ADGRB3: variants seen among roughly 807,000 people sequenced by gnomAD.
ADGRB3 encodes the protein adhesion G protein-coupled receptor B3.
ADGRB3 carries 37 observed loss-of-function variants against 193.4 expected under a neutral mutation model. That is an observed-to-expected ratio of 0.19 (90% CI 0.15 to 0.25). ADGRB3 has a LOEUF of 0.25. Among genes scored for constraint, ADGRB3 ranks in the 10% least tolerant of loss-of-function variants. The pLI is 1.00. For missense variants in ADGRB3, 1,637 were observed against 1,852.9 expected, an observed-to-expected ratio of 0.88 and a Z score of 2.14; for synonymous variants, 690 against 644.2, an observed-to-expected ratio of 1.07 and a Z score of -1.08.
chr6:69,275,721 A>G (rs1204222590), intron 20 of ADGRB3, among the ~76,000 whole-genome samples: 2 of 152,096 alleles, frequency 1.3e-5, no homozygotes, highest in African/African-American at 4.8e-5. Context: ...TATATCAAAT[A>G]ATGCCCAGTA....
intron 15 of ADGRB3, among the ~76,000 whole-genome samples, chr6:69,060,098 G>T (rs534516559): frequency 4.6e-5 from 7 of 152,124 alleles, no homozygotes; most frequent in African/African-American, 1.7e-4. Context: ...CACATGAATG[G>T]TATTAGCACA....
chr6:69,301,486 T>C (rs146842736), intron 20 of ADGRB3, among the ~76,000 whole-genome samples: 18 of 152,028 alleles, frequency 1.2e-4, no homozygotes, highest in Non-Finnish European at 2.4e-4. Flanking sequence ...CTCAAGTAAA[T>C]TGCATATTGC....
At chr6:69,229,902 G>A (rs1766096321) in intron 17 of ADGRB3, among the ~76,000 whole-genome samples, 1 of 152,160 alleles carries the variant, frequency 6.6e-6, no homozygotes, top group Admixed American at 6.5e-5. Context: ...AATAGACTTT[G>A]TGTCTTATAT....
At chr6:68,825,496 C>A (rs1263225784) in intron 3 of ADGRB3, among the ~76,000 whole-genome samples, 9 of 152,140 alleles carry the variant, frequency 5.9e-5, no homozygotes, top group Non-Finnish European at 1.2e-4. Context: ...AAATAAATGC[C>A]TCTTCGATAC....
At chr6:68,970,913 A>G (rs1768542204) in intron 8 of ADGRB3, among the ~76,000 whole-genome samples, 1 of 152,202 alleles carries the variant, frequency 6.6e-6, no homozygotes, top group Non-Finnish European at 1.5e-5. Flanking sequence ...AGTTACGGGA[A>G]CAAGATTGTA....
At chr6:68,800,828 A>G (rs62416553) in intron 3 of ADGRB3, among the ~76,000 whole-genome samples, 4,581 of 152,272 alleles carry the variant, frequency 0.03, 107 homozygotes, top group Non-Finnish European at 0.045. Flanking sequence ...TTATGACTTA[A>G]GACAGGTACA....
intron 26 of ADGRB3, among the ~76,000 whole-genome samples, chr6:69,348,873 G>T (rs1394215204): frequency 6.6e-6 from 1 of 152,156 alleles, no homozygotes; most frequent in African/African-American, 2.4e-5. Context: ...TGGAAATTAT[G>T]GTACAGCCAC....
chr6:69,097,253 T>C (rs1772907527), intron 17 of ADGRB3, among the ~76,000 whole-genome samples: 1 of 152,180 alleles, frequency 6.6e-6, no homozygotes, highest in African/African-American at 2.4e-5. Flanking sequence ...ATAATACAAA[T>C]GTATCTCTGG....
At position 69,013,924 on chromosome 6, in the gene ADGRB3, A is replaced by G. The variant is rs568864274; in HGVS notation, c.1930-114A>G. 1.5e-4 allele frequency: 84 copies of G among 563,734 alleles called. No individual in the cohort carries two copies. In the East Asian group the frequency reaches 2.6e-3, roughly 17 times the overall value. 34.9% of individuals were successfully genotyped at this position (563,734 alleles called of 1,614,324 possible). On this transcript the variant is annotated intron_variant, in intron 11 of 31. Transcript: ENST00000370598. The stretch of plus-strand genomic sequence containing the variant: ...TCTAGAATACTATGTTAGGGTCATA[A>G]AGCAATATTGCAAAGTGCTTATACC...
chr6:68,812,815 C>T (rs1460241702), intron 3 of ADGRB3, among the ~76,000 whole-genome samples: 1 of 151,566 alleles, frequency 6.6e-6, no homozygotes. Context: ...CTAATGCTAT[C>T]CCTCCCCTAG....
rs977610123 is a variant in ADGRB3, at chr6:68,736,825, C to T, written c.757+97393C>T. Among the ~76,000 whole-genome samples the T allele has an allele frequency of 4.6e-5, 7 of 151,986 alleles. No individual in the cohort carries two copies. In the East Asian group the frequency reaches 1.4e-3, roughly 30 times the overall value. ...TAATACAGAAAAGTTTATCCCAGTA[C>T]CTAGAAGCTGGGTCACTAATAATGA... On this transcript the variant is annotated intron_variant, in intron 3 of 31. Coordinates refer to ENST00000370598, the MANE Select transcript of ADGRB3 (RefSeq NM_001704.3).
At chr6:68,982,619 C>A (rs959976241) in intron 10 of ADGRB3, among the ~76,000 whole-genome samples, 4 of 152,278 alleles carry the variant, frequency 2.6e-5, no homozygotes, top group Admixed American at 1.3e-4. Context: ...ACACTGGACT[C>A]TTCCCTAAGT....
rs59919588 is a variant in ADGRB3 at position 68,765,537 on chromosome 6, GACACAC to G, written c.757+126140_757+126145del. 6.5e-4 allele frequency among the ~76,000 whole-genome samples: 94 copies of G among 143,552 alleles called. 1 individual carries two copies. The highest frequency in any genetic ancestry group is 2.9e-3 in the East Asian group (14 of 4,802). The allele number at this position is 143,552 out of a possible 152,430, so 94.2% of individuals were successfully genotyped here. ...TTCTTGTCCTGTATATATTCTTATA[GACACAC>G]ACACACACACACACACACACACACA... On this transcript the variant is annotated intron_variant, in intron 3 of 31. Transcript: ENST00000370598.
intron 4 of ADGRB3, among the ~76,000 whole-genome samples, chr6:68,935,270 G>GA (rs1767456160): frequency 1.3e-5 from 2 of 152,166 alleles, no homozygotes; most frequent in African/African-American, 4.8e-5. Context: ...TTCTCACTGA[G>GA]AAAATCTGTG....
chr6:68,669,344 A>G (rs973640786), intron 3 of ADGRB3, among the ~76,000 whole-genome samples: 3 of 151,666 alleles, frequency 2.0e-5, no homozygotes, highest in Non-Finnish European at 4.4e-5. Flanking sequence ...ATTTGTTCTA[A>G]CTATTTCTTT....
At chr6:69,102,422 TG>T (rs1773087112) in intron 17 of ADGRB3, among the ~76,000 whole-genome samples, 1 of 152,220 alleles carries the variant, frequency 6.6e-6, no homozygotes, top group South Asian at 2.1e-4. Context: ...ACATTTTAAA[TG>T]TTTTTAATGT....
intron 3 of ADGRB3, among the ~76,000 whole-genome samples, chr6:68,850,307 A>T (rs568208359): frequency 6.6e-6 from 1 of 151,890 alleles, no homozygotes; most frequent in South Asian, 2.1e-4. Context: ...TAGTTATCTT[A>T]ATTCATTCTT....
At chr6:68,896,914 T>C (rs769905138) in intron 3 of ADGRB3, among the ~76,000 whole-genome samples, 1 of 151,976 alleles carries the variant, frequency 6.6e-6, no homozygotes, top group Non-Finnish European at 1.5e-5. Flanking sequence ...CTAACCTAAT[T>C]CCCATAGTAT....
At chr6:69,368,922 A>G (rs1257791142) in intron 29 of ADGRB3, among the ~76,000 whole-genome samples, 1 of 152,120 alleles carries the variant, frequency 6.6e-6, no homozygotes, top group Non-Finnish European at 1.5e-5. Flanking sequence ...AGGAAACAGC[A>G]TAGAAATTAG....
Sources: allele counts gnomAD v4.1 joint callset (sites outside exome capture counted in the v4.1 genomes callset), GRCh38; gene constraint gnomAD v4.1.1; transcripts MANE v1.5; gene names NCBI Gene and HGNC (gene_info 2026-07-23, HGNC 2026-07-21).